The following ZNF804A variants were observed in gnomAD, a reference collection of about 807,000 sequenced individuals.
ZNF804A encodes zinc finger protein 804A.
A neutral mutation model predicts 16.5 loss-of-function variants in ZNF804A; 2 were observed. The ratio of observed to expected loss-of-function variants is 0.12; its 90% CI spans 0.05 to 0.38. The LOEUF is 0.38. ZNF804A is among the 10% of genes least tolerant of loss of function. ZNF804A has a pLI of 0.99. For missense variants in ZNF804A, 1,473 were observed against 1,390.7 expected, an observed-to-expected ratio of 1.06 and a Z score of -0.94; for synonymous variants, 534 against 489.6, an observed-to-expected ratio of 1.09 and a Z score of -1.20.
chr2:184,764,822 C>G (rs1156440993), intron 1 of ZNF804A, among the ~76,000 whole-genome samples: 1 of 151,868 alleles, frequency 6.6e-6, no homozygotes, highest in Non-Finnish European at 1.5e-5. Context: ...AAATGATGTG[C>G]AAGTAATTTA....
intron 1 of ZNF804A, among the ~76,000 whole-genome samples, chr2:184,630,257 G>A (rs911685471): frequency 2.6e-5 from 4 of 151,992 alleles, no homozygotes; most frequent in Non-Finnish European, 5.9e-5. Context: ...AAGATAATTC[G>A]TTCAACTGCT....
At chr2:184,734,717 C>T (rs1477544122) in intron 1 of ZNF804A, among the ~76,000 whole-genome samples, 2 of 152,028 alleles carry the variant, frequency 1.3e-5, no homozygotes, top group African/African-American at 4.8e-5. Flanking sequence ...TCAGCAGTGC[C>T]CTGACTTTTT....
chr2:184,854,626 G>C (rs1182616380), intron 1 of ZNF804A, among the ~76,000 whole-genome samples: 1 of 152,012 alleles, frequency 6.6e-6, no homozygotes, highest in Non-Finnish European at 1.5e-5. Flanking sequence ...AATAATGTGT[G>C]TAATGTCTTA....
At chr2:184,814,813 A>T (rs1344075360) in intron 1 of ZNF804A, among the ~76,000 whole-genome samples, 1 of 152,002 alleles carries the variant, frequency 6.6e-6, no homozygotes, top group African/African-American at 2.4e-5. Context: ...GCTCTTGCAT[A>T]TCTGTTGGGT....
At chr2:184,887,496 C>T (rs550627572) in intron 2 of ZNF804A, among the ~76,000 whole-genome samples, 1 of 152,218 alleles carries the variant, frequency 6.6e-6, no homozygotes, top group African/African-American at 2.4e-5. Context: ...CTGTATTAGT[C>T]CTTTTTCACA....
intron 1 of ZNF804A, among the ~76,000 whole-genome samples, chr2:184,646,829 G>A (rs1691883795): frequency 6.6e-6 from 1 of 152,190 alleles, no homozygotes; most frequent in Non-Finnish European, 1.5e-5. Context: ...TCTCCCTTTG[G>A]CACTGGTGTT....
intron 1 of ZNF804A, among the ~76,000 whole-genome samples, chr2:184,847,553 A>G (rs1232688518): frequency 2.0e-5 from 3 of 152,090 alleles, no homozygotes; most frequent in African/African-American, 7.2e-5. Context: ...TTTCAACAAG[A>G]TAAAGACTAG....
At chr2:184,868,539 G>C (rs377057426) in intron 2 of ZNF804A, among the ~76,000 whole-genome samples, 1 of 152,038 alleles carries the variant, frequency 6.6e-6, no homozygotes, top group Non-Finnish European at 1.5e-5. Flanking sequence ...GATAATGGCT[G>C]TACTTGACAC....
At chr2:184,823,655 G>C (rs1695118547) in intron 1 of ZNF804A, among the ~76,000 whole-genome samples, 1 of 151,990 alleles carries the variant, frequency 6.6e-6, no homozygotes, top group African/African-American at 2.4e-5. Context: ...CTTTAGAATG[G>C]GAAAAAGGAG....
chr2:184,746,459 T>C (rs924573126), intron 1 of ZNF804A, among the ~76,000 whole-genome samples: 1 of 151,534 alleles, frequency 6.6e-6, no homozygotes, highest in African/African-American at 2.4e-5. Context: ...GTACATGAGA[T>C]ATTTTGATGC....
In ZNF804A at chr2:184,847,532, C is replaced by T. The variant is rs370593796; in HGVS notation, c.112-18837C>T. Reference sequence around the variant, plus strand: ...CAGAAACAGTCGCCCTCTTGCCAAACAGGGAAAAGATTTCAACAAGATAAA... The same window carrying T: ...CAGAAACAGTCGCCCTCTTGCCAAATAGGGAAAAGATTTCAACAAGATAAA... On this transcript the variant is annotated intron_variant, in intron 1 of 3. Transcript: ENST00000302277. Among the ~76,000 whole-genome samples, 7 of 152,144 alleles carry T rather than the reference C, an allele frequency of 4.6e-5. No homozygotes were observed. In the East Asian group the frequency reaches 1.4e-3, roughly 29 times the overall value.
At chr2:184,902,639 C>T (rs539822987) in intron 2 of ZNF804A, 2 of 152,164 alleles carry the variant, frequency 1.3e-5, no homozygotes, top group East Asian at 3.9e-4. Flanking sequence ...ACTTAGAGTG[C>T]TCTTAATGAC....
chr2:184,886,474 C>T (rs767678869), intron 2 of ZNF804A, among the ~76,000 whole-genome samples: 15 of 152,178 alleles, frequency 9.9e-5, no homozygotes, highest in Admixed American at 2.6e-4. Flanking sequence ...CTCCACTAGG[C>T]GGTGCCCCAG....
intron 1 of ZNF804A, among the ~76,000 whole-genome samples, chr2:184,734,160 G>A (rs144547039): frequency 1.7e-3 from 258 of 152,060 alleles, no homozygotes; most frequent in African/African-American, 5.8e-3. Context: ...CTCACTGCAT[G>A]CTCAAACACC....
chr2:184,939,173 G>A lies in ZNF804A; in HGVS notation c.*147G>A. 4 of 938,686 alleles carry A rather than the reference G, an allele frequency of 4.3e-6. No homozygotes were observed. The highest frequency in any genetic ancestry group is 6.3e-6 in the Non-Finnish European group (4 of 631,224). 58.1% of individuals were successfully genotyped at this position (938,686 alleles called of 1,614,324 possible). ...ATTGGTTTGAAATCATTTACTGTAAGTGCAATGATGCAAATAAATCCCTAA... is the reference window on the plus strand; with the variant it reads ...ATTGGTTTGAAATCATTTACTGTAAATGCAATGATGCAAATAAATCCCTAA... On this transcript the variant is annotated 3_prime_UTR_variant, in exon 4 of 4. Transcript: ENST00000302277.
chr2:184,926,451 G>T (rs147331033), intron 2 of ZNF804A, among the ~76,000 whole-genome samples: 1 of 151,874 alleles, frequency 6.6e-6, no homozygotes, highest in Non-Finnish European at 1.5e-5. Context: ...TTGATCTTTG[G>T]GAGTTTGATT....
At chr2:184,847,267 C>T (rs923924785) in intron 1 of ZNF804A, among the ~76,000 whole-genome samples, 1 of 151,138 alleles carries the variant, frequency 6.6e-6, no homozygotes, top group African/African-American at 2.4e-5. Context: ...GATGAGTTTG[C>T]ATTTCTGTGG....
chr2:184,936,075 G>C lies in ZNF804A; in HGVS notation c.679G>C (p.Glu227Gln), dbSNP rs768670345. ...TCCAAAGAAAGCGTCCGTGAAGCTA[G>C]AGTCCTCAGCTGCAGCCTTCTCTGA... ...AFPKKASVKL[E>Q]SSAAAFSEYS... The change falls in exon 4 of 4, where the codon GAG becomes CAG. Residue 227 changes from glutamate (E) to glutamine (Q), a missense_variant. Coordinates refer to ENST00000302277, the MANE Select transcript of ZNF804A (RefSeq NM_194250.2). 6.8e-6 allele frequency: 11 copies of C among 1,613,932 alleles called. No individual in the cohort carries two copies. The highest frequency in any genetic ancestry group is 2.2e-5 in the East Asian group (1 of 44,876).
intron 1 of ZNF804A, among the ~76,000 whole-genome samples, chr2:184,730,154 T>C (rs1693488960): frequency 6.6e-6 from 1 of 152,178 alleles, no homozygotes; most frequent in Admixed American, 6.5e-5. Flanking sequence ...AATAAGCTTA[T>C]AATATCCTCT....
Sources: gnomAD v4.1 joint callset for allele counts (sites outside exome capture counted in the v4.1 genomes callset) on GRCh38, gnomAD v4.1.1 for gene constraint, MANE v1.5 for transcripts, NCBI Gene and HGNC (gene_info 2026-07-23, HGNC 2026-07-21) for gene names.